BYSL: variants seen among roughly 807,000 people sequenced by gnomAD.
BYSL encodes the protein bystin.
A neutral mutation model predicts 45.4 loss-of-function variants in BYSL; 21 were observed. That is an observed-to-expected ratio of 0.46 (90% CI 0.33 to 0.67). BYSL has a LOEUF of 0.67. Ranked by LOEUF, BYSL falls within the 30% of genes least tolerant of loss-of-function variation. BYSL has a pLI of 0.02. For synonymous variants in BYSL, 215 were observed against 231.3 expected, an observed-to-expected ratio of 0.93 and a Z score of 0.64; for missense variants, 522 against 578.5, an observed-to-expected ratio of 0.90 and a Z score of 1.00.
At chr6:41,918,922 C>A (rs1582065580), upstream of BYSL, among the ~76,000 whole-genome samples, 1 of 128,438 alleles carries the variant, frequency 7.8e-6, no homozygotes, top group African/African-American at 3.1e-5. Flanking sequence ...AGTCCGCAGT[C>A]CGGCCTGGGC....
intron 2 of BYSL, among the ~76,000 whole-genome samples, chr6:41,928,446 A>G (rs1775593022): frequency 6.6e-6 from 1 of 152,234 alleles, no homozygotes; most frequent in African/African-American, 2.4e-5. Flanking sequence ...CAGTTGAAAT[A>G]TATGTCATAA....
chr6:41,930,100 C>T, intron 2 of BYSL, 32 bp from the exon 3 acceptor site: 1 of 1,613,210 alleles, frequency 6.2e-7, no homozygotes, highest in Non-Finnish European at 8.5e-7. Flanking sequence ...CTTGCCCCCT[C>T]TCTCCCCTCC....
chr6:41,920,346 G>A (rs1775427942), upstream of BYSL, among the ~76,000 whole-genome samples: 1 of 152,110 alleles, frequency 6.6e-6, no homozygotes, highest in Non-Finnish European at 1.5e-5. Context: ...GTATTTGATG[G>A]CTGAGGGAAG....
chr6:41,918,630 G>A (rs1461718944), upstream of BYSL, among the ~76,000 whole-genome samples: 1 of 151,732 alleles, frequency 6.6e-6, no homozygotes, highest in African/African-American at 2.4e-5. Context: ...TGGCTAACAC[G>A]GTGAAACCCC....
At chr6:41,909,508 G>A in the BYSL span, 4 of 1,614,174 alleles carry the variant, frequency 2.5e-6, no homozygotes, top group Non-Finnish European at 3.4e-6. Context: ...ACATACATCA[G>A]CTTCCCGGTC....
intron 2 of BYSL, among the ~76,000 whole-genome samples, chr6:41,927,898 A>G (rs1220619024): frequency 5.3e-5 from 8 of 152,222 alleles, no homozygotes; most frequent in South Asian, 4.1e-4. Flanking sequence ...CCTAAGCTTC[A>G]TTTAAGCCAA....
chr6:41,913,397 G>A, the BYSL span, among the ~76,000 whole-genome samples: 1 of 152,188 alleles, frequency 6.6e-6, no homozygotes, highest in South Asian at 2.1e-4. Flanking sequence ...TGAAAGTGAG[G>A]GCCTGCTCAG....
intron 2 of BYSL, among the ~76,000 whole-genome samples, chr6:41,929,115 T>C (rs1328115789): frequency 6.6e-6 from 1 of 152,080 alleles, no homozygotes; most frequent in East Asian, 1.9e-4. Context: ...TTGGCCAGGC[T>C]GGTCTCAAAC....
At chr6:41,927,819 T>C (rs117072150) in intron 2 of BYSL, among the ~76,000 whole-genome samples, 1 of 152,302 alleles carries the variant, frequency 6.6e-6, no homozygotes, top group East Asian at 1.9e-4. Flanking sequence ...AGCCATCCTA[T>C]TGCATTTGGT....
chr6:41,911,058 G>A, the BYSL span, among the ~76,000 whole-genome samples: 4 of 150,224 alleles, frequency 2.7e-5, no homozygotes, highest in Non-Finnish European at 4.4e-5. Flanking sequence ...GCAGTGAGCC[G>A]AGATCGTGCC....
At position 41,931,504 on chromosome 6, in the gene BYSL, T is replaced by A. The variant is rs1380193083; in HGVS notation, c.813T>A (p.His271Gln). The change falls in exon 5 of 7, where the codon CAT becomes CAA. Residue 271 changes from histidine (H) to glutamine (Q), a missense_variant. By Grantham distance (24) the His-to-Gln change is conservative (BLOSUM62 0). Transcript: ENST00000230340. ...DVAEYKRLNF[H>Q]LYMALKKALF... ...CTGAATACAAACGACTCAACTTCCA[T>A]CTCTACATGGCTCTCAAGAAGGCCC... 1 of 1,614,042 alleles carries A rather than the reference T, an allele frequency of 6.2e-7. No individual in the cohort carries two copies. Among genetic ancestry groups the A allele is most frequent in the Admixed American group, 1.7e-5 (1 of 60,012 alleles).
At chr6:41,931,335 T>C in intron 4 of BYSL, 61 bp from the exon 5 acceptor site, 1 of 1,583,532 alleles carries the variant, frequency 6.3e-7, no homozygotes, top group Non-Finnish European at 8.7e-7. Context: ...TGGTGATATT[T>C]AATGGGCCGG....
upstream of BYSL, chr6:41,921,094 A>G: frequency 1.9e-6 from 3 of 1,579,802 alleles, no homozygotes; most frequent in Admixed American, 1.8e-5. Flanking sequence ...AAACTCCTTC[A>G]GTTCCCCAAC....
chr6:41,911,254 G>A, the BYSL span, among the ~76,000 whole-genome samples: 3 of 151,240 alleles, frequency 2.0e-5, no homozygotes, highest in Non-Finnish European at 4.4e-5. Context: ...AGGTTCAAGT[G>A]ATTCTCTTGC....
the BYSL span, chr6:41,909,322 C>G: frequency 2.5e-6 from 4 of 1,614,022 alleles, no homozygotes; most frequent in Non-Finnish European, 3.4e-6. Context: ...CCCACCTTCA[C>G]CAGGAAGTCA....
chr6:41,908,791 G>C, the BYSL span, among the ~76,000 whole-genome samples: 1 of 152,130 alleles, frequency 6.6e-6, no homozygotes, highest in Non-Finnish European at 1.5e-5. Flanking sequence ...CTGTGTTAGA[G>C]AGTCTCTGAA....
chr6:41,914,305 G>A, the BYSL span, among the ~76,000 whole-genome samples: 37 of 152,318 alleles, frequency 2.4e-4, no homozygotes, highest in Admixed American at 2.4e-3. Context: ...GGAACACTGT[G>A]GGCTTCCTTT....
chr6:41,915,789 A>AACACACACACACAC, the BYSL span, among the ~76,000 whole-genome samples: 31 of 148,590 alleles, frequency 2.1e-4, no homozygotes, highest in Non-Finnish European at 2.8e-4. Context: ...TCCGTCTCAA[A>AACACACACACACAC]ACACACACAC....
Position 41,921,762 on chromosome 6 carries a change from A to G in BYSL, c.200A>G (p.Glu67Gly). 1 of 1,613,356 alleles carries G rather than the reference A, an allele frequency of 6.2e-7. No homozygotes were observed. The highest frequency in any genetic ancestry group is 8.5e-7 in the Non-Finnish European group (1 of 1,179,862). ...TTGCAGCAAGCACGGCAGCAACAGG[A>G]GGAACTCGAGGCCGAGCATGGGACT... ...RILQQARQQQEELEAEHGTGD... is the reference protein window; with the variant it reads ...RILQQARQQQGELEAEHGTGD... Residue 67 changes from glutamate to glycine, a missense_variant, in exon 1 of 7, where the codon GAG (glutamate) becomes GGG (glycine). Coordinates refer to ENST00000230340, the MANE Select transcript of BYSL (RefSeq NM_004053.4).
Sources: allele counts gnomAD v4.1 joint callset (sites outside exome capture counted in the v4.1 genomes callset), GRCh38; gene constraint gnomAD v4.1.1; transcripts MANE v1.5; gene names NCBI Gene and HGNC (gene_info 2026-07-23, HGNC 2026-07-21).